The following TAB2 variants were observed in gnomAD, a reference collection of about 807,000 sequenced individuals.
The protein encoded by TAB2 is TGF-beta-activated kinase 1 and MAP3K7-binding protein 2.
In TAB2, 3 loss-of-function variants were observed where a neutral mutation model predicts 65.0. That is an observed-to-expected ratio of 0.05 (90% CI 0.02 to 0.12). TAB2 has a LOEUF of 0.12. Ranked by LOEUF, TAB2 falls within the 10% of genes least tolerant of loss-of-function variation. TAB2 has a pLI of 1.00. For missense variants in TAB2, 623 were observed against 840.3 expected, an observed-to-expected ratio of 0.74 and a Z score of 3.20; for synonymous variants, 298 against 285.1, an observed-to-expected ratio of 1.05 and a Z score of -0.46.
At chr6:149,248,959 A>G (rs915136411) in intron 1 of TAB2, among the ~76,000 whole-genome samples, 3 of 152,072 alleles carry the variant, frequency 2.0e-5, no homozygotes, top group African/African-American at 4.8e-5. Context: ...ACCATCCCCC[A>G]TACACATACA....
In TAB2 at chr6:149,283,061, A is replaced by C. The variant is rs145282558; in HGVS notation, c.-121+64285A>C. On this transcript the variant is annotated intron_variant, in intron 1 of 1. Transcript: ENST00000606202. ...AGTGGCTAACTAGAAAGAGTGATTT[A>C]ATATTTATTCAATAAACTAAATGTT... 3.6e-4 allele frequency among the ~76,000 whole-genome samples: 55 copies of C among 152,354 alleles called. No homozygotes were observed. The East Asian group carries it at 0.01, about 28-fold the overall frequency.
chr6:149,269,219 T>A (rs1778317448), intron 1 of TAB2, among the ~76,000 whole-genome samples: 1 of 152,168 alleles, frequency 6.6e-6, no homozygotes, highest in African/African-American at 2.4e-5. Flanking sequence ...AAATGATACA[T>A]CCTTTGAGTA....
intron 1 of TAB2, among the ~76,000 whole-genome samples, chr6:149,304,651 A>T (rs1179141646): frequency 6.6e-6 from 1 of 152,242 alleles, no homozygotes; most frequent in Non-Finnish European, 1.5e-5. Context: ...AGTTGGCTTT[A>T]CAAATACGCA....
rs763197613 is a variant in TAB2, at chr6:149,330,547, A to G, written c.-90+12532A>G. Reference sequence around the variant, plus strand: ...CTTAATGGCTAATGATGTTGAACATATTTTCATGTACTTCTTTGCTGTCTA... The same window carrying G: ...CTTAATGGCTAATGATGTTGAACATGTTTTCATGTACTTCTTTGCTGTCTA... On this transcript the variant is annotated intron_variant, in intron 1 of 6. Coordinates refer to ENST00000637181, the MANE Select transcript of TAB2 (RefSeq NM_001292034.3). 9.9e-5 allele frequency among the ~76,000 whole-genome samples: 15 copies of G among 152,230 alleles called. 1 individual carries two copies. The Middle Eastern group carries it at 0.01, about 104-fold the overall frequency.
upstream of TAB2, among the ~76,000 whole-genome samples, chr6:149,317,364 G>A (rs1283248579): frequency 6.6e-6 from 1 of 151,782 alleles, no homozygotes; most frequent in Non-Finnish European, 1.5e-5. The surrounding 1 kb of genome is among the most constrained non-coding windows in gnomAD (Gnocchi z 4.7). Flanking sequence ...GAGACTGCGA[G>A]TGTCGGGGGA....
chr6:149,355,667 CAAA>C (rs10534200), intron 1 of TAB2, among the ~76,000 whole-genome samples: 21 of 121,610 alleles, frequency 1.7e-4, no homozygotes, highest in East Asian at 1.1e-3. Context: ...AACTCCATCT[CAAA>C]AAAAAAAAAA....
chr6:149,404,005 A>G (rs1412943306), intron 6 of TAB2, among the ~76,000 whole-genome samples: 1 of 152,200 alleles, frequency 6.6e-6, no homozygotes, highest in Non-Finnish European at 1.5e-5. Context: ...CAAGAAAAAT[A>G]AAGGTATCCA....
chr6:149,275,789 A>T (rs1430457918), intron 1 of TAB2, among the ~76,000 whole-genome samples: 2 of 152,208 alleles, frequency 1.3e-5, no homozygotes, highest in African/African-American at 4.8e-5. Flanking sequence ...CTTTTTCCCA[A>T]AACCCATAAC....
At chr6:149,220,129 G>T (rs545392586) in intron 1 of TAB2, among the ~76,000 whole-genome samples, 1 of 152,142 alleles carries the variant, frequency 6.6e-6, no homozygotes, top group African/African-American at 2.4e-5. Flanking sequence ...AGAAGACAGC[G>T]TATGGGTTCT....
intron 3 of TAB2, 127 bp from the exon 4 acceptor site, chr6:149,397,477 A>G (rs1239124823): frequency 1.8e-6 from 2 of 1,131,650 alleles, no homozygotes; most frequent in East Asian, 4.7e-5. Context: ...AAATGCCTAA[A>G]CTTACAATAT....
chr6:149,283,398 A>G (rs551069980), intron 1 of TAB2, among the ~76,000 whole-genome samples: 36 of 152,334 alleles, frequency 2.4e-4, no homozygotes, highest in African/African-American at 8.4e-4. Flanking sequence ...AGAGAATGTC[A>G]TTTGATGGTA....
At chr6:149,408,287 G>A (rs1006646285) in intron 6 of TAB2, among the ~76,000 whole-genome samples, 2 of 152,044 alleles carry the variant, frequency 1.3e-5, no homozygotes, top group Non-Finnish European at 2.9e-5. Flanking sequence ...AAATTATTCA[G>A]TTTGGGGAAA....
intron 1 of TAB2, among the ~76,000 whole-genome samples, chr6:149,223,322 T>C (rs1222637482): frequency 6.6e-6 from 1 of 152,244 alleles, no homozygotes; most frequent in Non-Finnish European, 1.5e-5. Flanking sequence ...TCTTTTCCAG[T>C]ACCTCTTTTG....
intron 1 of TAB2, among the ~76,000 whole-genome samples, chr6:149,234,864 G>GAAAAAAAA (rs386408903): frequency 3.1e-5 from 3 of 95,486 alleles, no homozygotes; most frequent in East Asian, 3.0e-4. Context: ...TAGAGAGTGT[G>GAAAAAAAA]AAAAAAAAAA....
At position 149,287,482 on chromosome 6, in the gene TAB2, G is replaced by GTTT. The variant is rs35420416; in HGVS notation, c.-121+68715_-121+68717dup. 5.2e-4 allele frequency among the ~76,000 whole-genome samples: 77 copies of GTTT among 149,006 alleles called. 1 individual carries two copies. Among genetic ancestry groups the GTTT allele is most frequent in the Middle Eastern group, 6.8e-3 (2 of 294 alleles). ...ATATAACAAGCAAACTTTGTTTTCT[G>GTTT]TTTTTTTTTTTAAAAAGAAAGTATT... is the stretch of plus-strand genomic sequence containing the variant. On this transcript the variant is annotated intron_variant, in intron 1 of 1. Coordinates refer to the TAB2 transcript ENST00000606202.
intron 1 of TAB2, among the ~76,000 whole-genome samples, chr6:149,230,434 G>T (rs1465099513): frequency 6.6e-6 from 1 of 152,140 alleles, no homozygotes; most frequent in Non-Finnish European, 1.5e-5. Flanking sequence ...ACGCTTGTTA[G>T]TTTTCTACTC....
At chr6:149,359,287 T>A (rs1483121356) in intron 1 of TAB2, among the ~76,000 whole-genome samples, 1 of 152,234 alleles carries the variant, frequency 6.6e-6, no homozygotes, top group Non-Finnish European at 1.5e-5. Context: ...TACTTTTGTT[T>A]CTGCCAGGAA....
chr6:149,352,429 A>G (rs992854257), intron 1 of TAB2, among the ~76,000 whole-genome samples: 3 of 152,208 alleles, frequency 2.0e-5, no homozygotes, highest in Admixed American at 6.5e-5. Context: ...ATCAAGTTAC[A>G]TACAAGTTTC....
chr6:149,302,196 T>A (rs1778982994), intron 1 of TAB2, among the ~76,000 whole-genome samples: 1 of 152,212 alleles, frequency 6.6e-6, no homozygotes, highest in African/African-American at 2.4e-5. Flanking sequence ...TATGTATTTA[T>A]ATTTTGTATT....
Sources: allele counts gnomAD v4.1 joint callset (sites outside exome capture counted in the v4.1 genomes callset), GRCh38; gene constraint gnomAD v4.1.1; non-coding constraint Gnocchi (gnomAD v3.1); transcripts MANE v1.5; gene names NCBI Gene and HGNC (gene_info 2026-07-23, HGNC 2026-07-21).